ST6GAL1: variants seen among roughly 807,000 people sequenced by gnomAD.
ST6GAL1 encodes the protein beta-galactoside alpha-2,6-sialyltransferase 1.
ST6GAL1 carries 20 observed loss-of-function variants against 38.0 expected under a neutral mutation model. That is an observed-to-expected ratio of 0.53 (90% CI 0.37 to 0.77). The LOEUF is 0.77. ST6GAL1 is among the 30% of genes least tolerant of loss of function. ST6GAL1 has a pLI of 0.00. For missense variants in ST6GAL1, 432 were observed against 496.4 expected (o/e 0.87, Z 1.23); for synonymous variants, 196 against 188.2 (o/e 1.04, Z -0.34).
rs35357452 is a variant in ST6GAL1, at chr3:186,952,743, T to A, written c.-324-11042T>A. On this transcript the variant is annotated intron_variant, in intron 1 of 7. Coordinates refer to ENST00000169298, the MANE Select transcript of ST6GAL1 (RefSeq NM_173216.2). The surrounding 1 kb of genome is among the most constrained non-coding windows in gnomAD (Gnocchi z 4.1). ...ATTTCCTGACAACCCTCAATTTATA[T>A]TTCCAACCCACACCTTTCCCCTGAG... 6.6e-6 allele frequency among the ~76,000 whole-genome samples: 1 copy of A among 152,170 alleles called. No homozygotes were observed. The highest frequency in any genetic ancestry group is 1.5e-5 in the Non-Finnish European group (1 of 68,034).
intron 1 of ST6GAL1, among the ~76,000 whole-genome samples, chr3:186,932,499 G>A (rs1330597169): frequency 1.3e-5 from 2 of 152,202 alleles, no homozygotes; most frequent in Non-Finnish European, 2.9e-5. Flanking sequence ...AATAGATTTA[G>A]TAATTCCTTA....
At chr3:186,934,876 C>T (rs533452249) in intron 1 of ST6GAL1, among the ~76,000 whole-genome samples, 6 of 152,108 alleles carry the variant, frequency 3.9e-5, no homozygotes, top group African/African-American at 7.2e-5. Flanking sequence ...ACGCCATTCT[C>T]CTGCCTCAGC....
intron 5 of ST6GAL1, among the ~76,000 whole-genome samples, chr3:187,065,896 T>C: frequency 6.6e-6 from 1 of 152,158 alleles, no homozygotes; most frequent in Non-Finnish European, 1.5e-5. Flanking sequence ...CCAACCACCA[T>C]TTTACCTCAG....
At chr3:186,942,517 A>G (rs943467933) in intron 1 of ST6GAL1, 1 of 151,816 alleles carries the variant, frequency 6.6e-6, no homozygotes, top group Admixed American at 6.6e-5. Context: ...TTCCAGCTTT[A>G]ATTTTAGGAA....
At chr3:186,997,075 T>C (rs116799496) in intron 2 of ST6GAL1, among the ~76,000 whole-genome samples, 2,343 of 151,896 alleles carry the variant, frequency 0.015, 45 homozygotes, top group African/African-American at 0.05. Context: ...CTTGGGGAGA[T>C]TTGTTTTTAG....
chr3:186,931,862 T>C lies in ST6GAL1; in HGVS notation c.-325+1028T>C, dbSNP rs1295228675. On this transcript the variant is annotated intron_variant, in intron 1 of 7. Transcript: ENST00000169298. ...CGTACAATTTTCAGTTCTGAGTTTA[T>C]TTGAAAGAAATTCCGAGGTCCGGAA... is the stretch of plus-strand genomic sequence containing the variant. Among the ~76,000 whole-genome samples the C allele has an allele frequency of 2.0e-5, 3 of 152,376 alleles. No individual in the cohort carries two copies. The East Asian group carries it at 5.8e-4, about 29-fold the overall frequency.
chr3:187,013,660 C>A (rs951067716), intron 2 of ST6GAL1, among the ~76,000 whole-genome samples: 5 of 152,230 alleles, frequency 3.3e-5, no homozygotes, highest in Non-Finnish European at 7.3e-5. Context: ...TCTCAGCTCA[C>A]TGCGACTTCC....
intron 3 of ST6GAL1, among the ~76,000 whole-genome samples, chr3:187,041,205 A>T (rs902028335): frequency 6.6e-6 from 1 of 152,120 alleles, no homozygotes; most frequent in Admixed American, 6.5e-5. Context: ...ATTCTGAAAA[A>T]CTCAGGGGCA....
chr3:186,939,015 G>A (rs762801919), intron 1 of ST6GAL1, among the ~76,000 whole-genome samples: 5 of 121,152 alleles, frequency 4.1e-5, no homozygotes, highest in Non-Finnish European at 7.6e-5. Flanking sequence ...GTCAACCTAG[G>A]ACCTTTAGGG....
intron 5 of ST6GAL1, among the ~76,000 whole-genome samples, chr3:187,060,126 C>A (rs189394276): frequency 1.3e-5 from 2 of 152,048 alleles, no homozygotes; most frequent in Admixed American, 1.3e-4. Flanking sequence ...AGGCTGAAAG[C>A]AAGAAGGAGT....
At position 187,075,698 on chromosome 3, in the gene ST6GAL1, G is replaced by A. The variant is rs147859392; in HGVS notation, c.1116G>A (p.Leu372=). 1,349 of 1,614,240 alleles carry A rather than the reference G, an allele frequency of 8.4e-4. 1 individual carries two copies. Among genetic ancestry groups the A allele is most frequent in the Admixed American group, 1.1e-3 (68 of 60,024 alleles). Residue 372 remains leucine, a synonymous_variant, in exon 8 of 8, where the codon CTG becomes CTA. Transcript: ENST00000169298. This position sits in a 1 kb window ranked among gnomAD's most constrained non-coding sequence, Gnocchi z 4.1. ...GCACGATGGGTGCCTACCACCCGCTGCTCTATGAGAAGAATTTGGTGAAGC... is the reference window on the plus strand; with the variant it reads ...GCACGATGGGTGCCTACCACCCGCTACTCTATGAGAAGAATTTGGTGAAGC... The part of the protein sequence containing the change: ...SACTMGAYHP[L]LYEKNLVKHL...
At chr3:186,931,967 T>G (rs971326962) in intron 1 of ST6GAL1, among the ~76,000 whole-genome samples, 6 of 152,256 alleles carry the variant, frequency 3.9e-5, no homozygotes, top group African/African-American at 1.4e-4. Flanking sequence ...TCGGACACGA[T>G]CTGCAGCGGG....
chr3:187,042,912 A>G lies in ST6GAL1; in HGVS notation c.209A>G (p.Asp70Gly), dbSNP rs748178562. The change falls in exon 4 of 8, where the codon GAC (aspartate) becomes GGC (glycine). Residue 70 changes from aspartate to glycine, a missense_variant. Coordinates refer to ENST00000169298, the MANE Select transcript of ST6GAL1 (RefSeq NM_173216.2). ...SQSVSSSSTQ[D>G]PHRGRQTLGS... ...TCTGTATCCTCAAGCAGCACCCAGG[A>G]CCCCCACAGGGGCCGCCAGACCCTC... is the stretch of plus-strand genomic sequence containing the variant. 3.7e-6 allele frequency: 6 copies of G among 1,613,916 alleles called. No individual in the cohort carries two copies. In the Admixed American group the frequency reaches 1.0e-4, roughly 27 times the overall value.
intron 2 of ST6GAL1, among the ~76,000 whole-genome samples, chr3:187,014,003 C>A (rs1717042423): frequency 1.3e-5 from 2 of 152,206 alleles, no homozygotes; most frequent in South Asian, 4.1e-4. Flanking sequence ...CTTTTCACAC[C>A]CAACAGCGGT....
At chr3:187,071,186 G>A (rs1331193192) in intron 5 of ST6GAL1, among the ~76,000 whole-genome samples, 2 of 152,120 alleles carry the variant, frequency 1.3e-5, no homozygotes, top group Admixed American at 6.5e-5. Flanking sequence ...TCTTGCTTTC[G>A]TTTCAGTCAG....
At chr3:187,022,192 T>A (rs1717337882) in intron 2 of ST6GAL1, among the ~76,000 whole-genome samples, 1 of 152,064 alleles carries the variant, frequency 6.6e-6, no homozygotes, top group South Asian at 2.1e-4. Flanking sequence ...TATTTCCAGG[T>A]AGATAGTGTT....
chr3:187,063,740 C>A (rs1283799162), intron 5 of ST6GAL1, among the ~76,000 whole-genome samples: 1 of 152,148 alleles, frequency 6.6e-6, no homozygotes, highest in African/African-American at 2.4e-5. Context: ...GTATTTAAGG[C>A]CAAAGTAAGG....
intron 2 of ST6GAL1, among the ~76,000 whole-genome samples, chr3:186,966,016 A>G (rs1237245462): frequency 2.0e-5 from 3 of 152,172 alleles, no homozygotes; most frequent in Non-Finnish European, 4.4e-5. Flanking sequence ...CTCCTGCCTC[A>G]GCCTCCCGAG....
intron 2 of ST6GAL1, among the ~76,000 whole-genome samples, chr3:187,004,356 G>C (rs967588405): frequency 2.0e-5 from 3 of 152,246 alleles, no homozygotes; most frequent in Non-Finnish European, 4.4e-5. Context: ...AAAGTCCTAT[G>C]ACTAGCAAGT....
Sources: gnomAD v4.1 joint callset for allele counts (sites outside exome capture counted in the v4.1 genomes callset) on GRCh38, gnomAD v4.1.1 for gene constraint, Gnocchi (gnomAD v3.1) non-coding constraint, MANE v1.5 for transcripts, NCBI Gene and HGNC (gene_info 2026-07-23, HGNC 2026-07-21) for gene names.